The following TRIP11 variants were observed in gnomAD, a reference collection of about 807,000 sequenced individuals.
TRIP11 encodes thyroid hormone receptor interactor 11, also known as thyroid receptor-interacting protein 11.
A neutral mutation model predicts 223.1 loss-of-function variants in TRIP11; 148 were observed. That is an observed-to-expected ratio of 0.66 (90% CI 0.58 to 0.76). The LOEUF is 0.76. TRIP11 is among the 30% of genes least tolerant of loss of function. TRIP11 has a pLI of 0.00. For synonymous variants in TRIP11, 762 were observed against 772.6 expected (o/e 0.99, Z 0.23); for missense variants, 2,043 against 2,222.0 (o/e 0.92, Z 1.62).
chr14:92,020,214 T>TG (rs2057093150), intron 4 of TRIP11, among the ~76,000 whole-genome samples: 1 of 151,330 alleles, frequency 6.6e-6, no homozygotes, highest in Admixed American at 6.6e-5. Flanking sequence ...ATGGTGCCAC[T>TG]GCACTCCAGT....
intron 15 of TRIP11, among the ~76,000 whole-genome samples, chr14:91,992,724 A>G (rs2056690750): frequency 6.6e-6 from 1 of 151,936 alleles, no homozygotes; most frequent in Admixed American, 6.6e-5. Flanking sequence ...CCTGGCTAAC[A>G]TGGTGAAACC....
intron 12 of TRIP11, 106 bp from the exon 13 acceptor site, chr14:91,999,539 A>C: frequency 8.3e-7 from 1 of 1,209,090 alleles, no homozygotes; most frequent in Non-Finnish European, 1.2e-6. Flanking sequence ...TTAATTGTAT[A>C]CCAATTTCTC....
At chr14:91,979,095 A>G (rs2140087430) in intron 16 of TRIP11, among the ~76,000 whole-genome samples, 1 of 152,252 alleles carries the variant, frequency 6.6e-6, no homozygotes, top group South Asian at 2.1e-4. Context: ...TGTCTCTACA[A>G]GAAATACAAA....
chr14:92,014,134 C>A (rs1338288002), intron 7 of TRIP11, 81 bp downstream of exon 7: 1 of 1,543,954 alleles, frequency 6.5e-7, no homozygotes, highest in Non-Finnish European at 8.9e-7. Flanking sequence ...ACTAAGTATT[C>A]AGTTAGTGAA....
At chr14:91,997,967 C>G (rs9323869) in intron 13 of TRIP11, among the ~76,000 whole-genome samples, 7,434 of 152,168 alleles carry the variant, frequency 0.049, 547 homozygotes, top group African/African-American at 0.16. Context: ...TTCTGCCAAA[C>G]TGAAACATAT....
At chr14:92,030,345 A>G (rs2057249126) in intron 2 of TRIP11, among the ~76,000 whole-genome samples, 1 of 152,066 alleles carries the variant, frequency 6.6e-6, no homozygotes, top group Non-Finnish European at 1.5e-5. Flanking sequence ...GACTTAAACC[A>G]TTTCATTTTG....
chr14:91,974,772 A>G, intron 18 of TRIP11, 29 bp from the exon 19 acceptor site: 1 of 1,493,172 alleles, frequency 6.7e-7, no homozygotes, highest in South Asian at 1.2e-5. Flanking sequence ...ACAGACAAAT[A>G]TTATCAGTAC....
At chr14:92,003,350 A>G (rs1384909831) in intron 11 of TRIP11, 69 bp downstream of exon 11, 4 of 1,582,078 alleles carry the variant, frequency 2.5e-6, no homozygotes, top group Non-Finnish European at 3.4e-6. Context: ...GACAATATAA[A>G]TGAAATAACA....
chr14:91,994,181 A>G (rs569535660), intron 14 of TRIP11, among the ~76,000 whole-genome samples: 2 of 151,984 alleles, frequency 1.3e-5, no homozygotes, highest in African/African-American at 4.8e-5. Flanking sequence ...CACTTTCTCT[A>G]CAGTCTCAGT....
intron 1 of TRIP11, among the ~76,000 whole-genome samples, chr14:92,038,012 T>G (rs1369326124): frequency 2.0e-5 from 3 of 152,114 alleles, no homozygotes. Context: ...GAAAGAGGAA[T>G]AGTCCCTGGG....
At chr14:91,990,427 A>T (rs2056657420) in intron 15 of TRIP11, among the ~76,000 whole-genome samples, 1 of 152,128 alleles carries the variant, frequency 6.6e-6, no homozygotes, top group South Asian at 2.1e-4. Context: ...TAATTCCCTC[A>T]ATTTCTTCTC....
chr14:92,003,441 T>A lies in TRIP11; in HGVS notation c.4535A>T (p.Gln1512Leu). The A allele has an allele frequency of 6.2e-7, 1 of 1,613,772 alleles. No individual in the cohort carries two copies. Among genetic ancestry groups the A allele is most frequent in the Non-Finnish European group, 8.5e-7 (1 of 1,180,018 alleles). ...CACCTGTTCTTTCTCTTTCAATAGCTGTTCAAAAGCAAGAGCCTTCTCCTT... is the reference window on the plus strand; with the variant it reads ...CACCTGTTCTTTCTCTTTCAATAGCAGTTCAAAAGCAAGAGCCTTCTCCTT... ...SMKEKALAFE[Q>L]LLKEKEQGKT... Residue 1512 changes from glutamine to leucine, a missense_variant, in exon 11 of 21, where the codon CAG becomes CTG. Physicochemically the swap from Gln to Leu is moderately radical, Grantham distance 113 (BLOSUM62 -2). Transcript: ENST00000267622.
intron 4 of TRIP11, among the ~76,000 whole-genome samples, chr14:92,019,944 A>C (rs533147305): frequency 6.6e-6 from 1 of 152,284 alleles, no homozygotes; most frequent in African/African-American, 2.4e-5. Flanking sequence ...TCCCATCCTC[A>C]AGATATCTCA....
rs747940125 is a variant in TRIP11 at position 92,014,228 on chromosome 14, T to C, written c.1173A>G (p.Gln391=). 7 of 1,614,066 alleles carry C rather than the reference T, an allele frequency of 4.3e-6. No individual in the cohort carries two copies. The highest frequency in any genetic ancestry group is 3.3e-4 in the Middle Eastern group (2 of 6,058). Residue 391 remains glutamine, a synonymous_variant, in exon 7 of 21, where the codon CAA becomes CAG. Coordinates refer to ENST00000267622, the MANE Select transcript of TRIP11 (RefSeq NM_004239.4). ...AAGACTGTATACCAGACAGTGCTTG[T>C]TGTAGTCTGAACACTTCTTCCACTG... The part of the protein sequence containing the change: ...SASVEEVFRL[Q]QALSDAENEI...
intron 12 of TRIP11, 85 bp downstream of exon 12, chr14:91,999,883 C>A (rs1339653844): frequency 1.3e-6 from 2 of 1,556,738 alleles, no homozygotes; most frequent in African/African-American, 1.4e-5. Flanking sequence ...CAGAGAAATT[C>A]ATTTTCACTG....
intron 13 of TRIP11, among the ~76,000 whole-genome samples, chr14:91,997,141 G>GCAAT (rs2056761123): frequency 6.6e-6 from 1 of 152,148 alleles, no homozygotes; most frequent in South Asian, 2.1e-4. Context: ...TTGTTGGTTA[G>GCAAT]CAATCACTCA....
chr14:91,982,000 C>A (rs1232434856), intron 16 of TRIP11, among the ~76,000 whole-genome samples: 6 of 151,580 alleles, frequency 4.0e-5, no homozygotes, highest in Non-Finnish European at 4.4e-5. Flanking sequence ...TAAACTTCTA[C>A]TTCTTAGCAA....
At chr14:92,009,331 C>T (rs972627803) in intron 9 of TRIP11, among the ~76,000 whole-genome samples, 14 of 152,170 alleles carry the variant, frequency 9.2e-5, no homozygotes, top group Non-Finnish European at 1.9e-4. Context: ...CCACACTCGG[C>T]CCTCATAGGC....
In TRIP11 at chr14:92,014,575, C is replaced by A; in HGVS notation, c.826G>T (p.Gly276Cys). 1 of 1,602,100 alleles carries A rather than the reference C, an allele frequency of 6.2e-7. No homozygotes were observed. Among genetic ancestry groups the A allele is most frequent in the South Asian group, 1.1e-5 (1 of 89,836 alleles). The change falls in exon 7 of 21, where the codon GGC becomes TGC. Residue 276 changes from glycine to cysteine, a missense_variant and splice_region_variant. Physicochemically the swap from Gly to Cys is radical, Grantham distance 159 (BLOSUM62 -3). Transcript: ENST00000267622. ...EELENLLQQG[G>C]SGVIETDLSK... ...AGATCAGTTTCTATAACTCCAGAGC[C>A]ACCTAGAACATAAACACAAAACAAT...
Sources: allele counts gnomAD v4.1 joint callset (sites outside exome capture counted in the v4.1 genomes callset), GRCh38; gene constraint gnomAD v4.1.1; transcripts MANE v1.5; gene names NCBI Gene and HGNC (gene_info 2026-07-23, HGNC 2026-07-21).